GALNT18: variants seen among roughly 807,000 people sequenced by gnomAD.
GALNT18 encodes the protein GalNAc-transferase 18.
A neutral mutation model predicts 69.5 loss-of-function variants in GALNT18; 44 were observed. That is an observed-to-expected ratio of 0.63 (90% CI 0.50 to 0.81). The LOEUF (loss-of-function observed/expected upper bound fraction) is 0.81. GALNT18 is among the 40% of genes least tolerant of loss of function. The probability of loss-of-function intolerance (pLI) is 0.00; values close to 1 mark genes in which losing one functional copy is unlikely to be tolerated. For synonymous variants in GALNT18, 364 were observed against 318.2 expected (o/e 1.14, Z -1.53); for missense variants, 715 against 810.0 (o/e 0.88, Z 1.42).
chr11:11,433,668 G>A (rs780534407), intron 2 of GALNT18, among the ~76,000 whole-genome samples: 1 of 152,226 alleles, frequency 6.6e-6, no homozygotes, highest in Non-Finnish European at 1.5e-5. Context: ...CAGATCCCAT[G>A]AGAGGCCAGA....
chr11:11,377,397 A>G lies in GALNT18; in HGVS notation c.780-18T>C. The stretch of plus-strand genomic sequence containing the variant: ...GTTCAGCCCTGGGCAGAGAGGAGAC[A>G]GCCAGAGAGGGTAACCATTTCCAAG... On this transcript the variant is annotated intron_variant, in intron 4 of 10. Coordinates refer to ENST00000227756, the MANE Select transcript of GALNT18 (RefSeq NM_198516.3). This position sits in a 1 kb window ranked among gnomAD's most constrained non-coding sequence, Gnocchi z 4.6. 6.2e-7 allele frequency: 1 copy of G among 1,612,014 alleles called. No individual in the cohort carries two copies. The highest frequency in any genetic ancestry group is 8.5e-7 in the Non-Finnish European group (1 of 1,178,768).
chr11:11,422,621 G>GTTT (rs374848510), intron 3 of GALNT18, among the ~76,000 whole-genome samples: 5 of 142,118 alleles, frequency 3.5e-5, no homozygotes, highest in Non-Finnish European at 6.2e-5. Flanking sequence ...TTTTTTTGTT[G>GTTT]TTTTTTTTTT....
At chr11:11,362,532 C>G (rs955086868) in intron 6 of GALNT18, among the ~76,000 whole-genome samples, 2 of 152,028 alleles carry the variant, frequency 1.3e-5, no homozygotes, top group Non-Finnish European at 2.9e-5. Flanking sequence ...GCCAAAGATA[C>G]GAACAGCTTA....
intron 3 of GALNT18, among the ~76,000 whole-genome samples, chr11:11,409,360 C>A (rs981633647): frequency 3.3e-5 from 5 of 152,160 alleles, no homozygotes; most frequent in African/African-American, 1.2e-4. Context: ...GCAGGCCCAG[C>A]AGGTCCCAGA....
At chr11:11,302,777 A>G (rs1179547110) in intron 9 of GALNT18, among the ~76,000 whole-genome samples, 1 of 152,226 alleles carries the variant, frequency 6.6e-6, no homozygotes, top group Non-Finnish European at 1.5e-5. Context: ...TCGCACTCGG[A>G]TATCTCAAGT....
chr11:11,418,122 T>C (rs1252875655), intron 3 of GALNT18, among the ~76,000 whole-genome samples: 1 of 152,240 alleles, frequency 6.6e-6, no homozygotes, highest in Non-Finnish European at 1.5e-5. Context: ...CCTATGACTT[T>C]GAAAACTCTT....
At chr11:11,311,112 TGGTAAGCATCC>T (rs1352050295) in intron 9 of GALNT18, among the ~76,000 whole-genome samples, 1 of 152,144 alleles carries the variant, frequency 6.6e-6, no homozygotes, top group Non-Finnish European at 1.5e-5. Flanking sequence ...GGTCAAAGAA[TGGTAAGCATCC>T]TACATTGAAT....
intron 1 of GALNT18, among the ~76,000 whole-genome samples, chr11:11,503,822 A>C (rs1482025386): frequency 1.3e-5 from 2 of 152,162 alleles, no homozygotes; most frequent in African/African-American, 4.8e-5. Flanking sequence ...ACATGTGTAC[A>C]ATCCGATGAA....
intron 1 of GALNT18, among the ~76,000 whole-genome samples, chr11:11,490,234 A>ACACACACAC (rs1856738130): frequency 4.0e-5 from 5 of 125,092 alleles, no homozygotes; most frequent in African/African-American, 1.2e-4. Flanking sequence ...CTCTCTCTCT[A>ACACACACAC]ACACACACAC....
chr11:11,539,313 C>A (rs1467863807), intron 1 of GALNT18, among the ~76,000 whole-genome samples: 1 of 152,208 alleles, frequency 6.6e-6, no homozygotes, highest in Non-Finnish European at 1.5e-5. Flanking sequence ...TTCAGCCAAG[C>A]CTCCCAGAGA....
intron 1 of GALNT18, among the ~76,000 whole-genome samples, chr11:11,594,581 T>G (rs1859441840): frequency 1.3e-5 from 2 of 152,180 alleles, no homozygotes; most frequent in Non-Finnish European, 1.5e-5. Context: ...TGTGTCTGAC[T>G]TCTTTCACTT....
At chr11:11,462,411 C>T (rs148002424) in intron 1 of GALNT18, among the ~76,000 whole-genome samples, 12 of 151,740 alleles carry the variant, frequency 7.9e-5, no homozygotes, top group East Asian at 1.9e-4. Flanking sequence ...CTTGTAGCTG[C>T]GGTTACAGGC....
chr11:11,283,813 A>C (rs1467959661), intron 10 of GALNT18, among the ~76,000 whole-genome samples: 1 of 152,216 alleles, frequency 6.6e-6, no homozygotes, highest in African/African-American at 2.4e-5. Flanking sequence ...AAGCCGTAGC[A>C]CACAGAGAAC....
At chr11:11,508,300 T>G (rs546159649) in intron 1 of GALNT18, among the ~76,000 whole-genome samples, 2 of 152,206 alleles carry the variant, frequency 1.3e-5, no homozygotes, top group African/African-American at 2.4e-5. Context: ...AGGTAGGAGA[T>G]CTTATAATGT....
rs1246189313 is a variant in GALNT18 at position 11,564,749 on chromosome 11, T to C, written c.235+56610A>G. On this transcript the variant is annotated intron_variant, in intron 1 of 10. Coordinates refer to ENST00000227756, the MANE Select transcript of GALNT18 (RefSeq NM_198516.3). The surrounding 1 kb of genome is among the most constrained non-coding windows in gnomAD (Gnocchi z 4.3). ...GCCTAGACTATCCCTGGTCAACCTT[T>C]ACTCTAGGTTGTGCTGTTGGTAGGC... Among the ~76,000 whole-genome samples the C allele has an allele frequency of 6.6e-6, 1 of 152,214 alleles. No homozygotes were observed. Among genetic ancestry groups the C allele is most frequent in the African/African-American group, 2.4e-5 (1 of 41,464 alleles).
chr11:11,557,073 C>T (rs1456000041), intron 1 of GALNT18, among the ~76,000 whole-genome samples: 3 of 152,156 alleles, frequency 2.0e-5, no homozygotes, highest in African/African-American at 4.8e-5. Context: ...GGACACTGGA[C>T]ACTGGATGGC....
At chr11:11,355,196 T>C (rs1426291758) in intron 6 of GALNT18, among the ~76,000 whole-genome samples, 1 of 152,240 alleles carries the variant, frequency 6.6e-6, no homozygotes, top group Non-Finnish European at 1.5e-5. Context: ...AATTATTTAC[T>C]GAGCACTTAC....
intron 1 of GALNT18, among the ~76,000 whole-genome samples, chr11:11,484,549 C>T (rs1361364431): frequency 2.0e-5 from 3 of 147,252 alleles, no homozygotes; most frequent in Admixed American, 6.8e-5. Context: ...GCCGAGATCA[C>T]GCCATTGCAC....
At chr11:11,535,728 C>T (rs546060759) in intron 1 of GALNT18, among the ~76,000 whole-genome samples, 17 of 152,352 alleles carry the variant, frequency 1.1e-4, no homozygotes, top group Admixed American at 2.6e-4. Flanking sequence ...CTGTGACTTC[C>T]TCCAGGGAGT....
Sources: allele counts gnomAD v4.1 joint callset (sites outside exome capture counted in the v4.1 genomes callset), GRCh38; gene constraint gnomAD v4.1.1; non-coding constraint Gnocchi (gnomAD v3.1); transcripts MANE v1.5; gene names NCBI Gene and HGNC (gene_info 2026-07-23, HGNC 2026-07-21).